The following EMP2 variants were observed in gnomAD, a reference collection of about 807,000 sequenced individuals.
EMP2 encodes epithelial membrane protein 2.
EMP2 carries 19 observed loss-of-function variants against 13.7 expected under a neutral mutation model. That is an observed-to-expected ratio of 1.38 (90% CI 0.97 to 2.03). The LOEUF is 2.03. EMP2 is among the 30% of genes most tolerant of loss of function. The pLI is 0.00. For synonymous variants in EMP2, 97 were observed against 84.7 expected (o/e 1.15, Z -0.80); for missense variants, 253 against 220.7 (o/e 1.15, Z -0.93).
At position 10,532,134 on chromosome 16, in the gene EMP2, G is replaced by T. The variant is rs778935936; in HGVS notation, c.*771C>A. On this transcript the variant is annotated 3_prime_UTR_variant, in exon 5 of 5. Coordinates refer to ENST00000359543, the MANE Select transcript of EMP2 (RefSeq NM_001424.6). ...CAACGCATCTGAAGCGTTGCCCAGG[G>T]AGCGCGTTAGAAATGCAGATTCCCT... 6.5e-6 allele frequency: 1 copy of T among 154,924 alleles called. No homozygotes were observed. The highest frequency in any genetic ancestry group is 2.0e-4 in the South Asian group (1 of 4,910). 9.6% of individuals were successfully genotyped at this position (154,924 alleles called of 1,614,324 possible).
At chr16:10,539,233 C>T (rs12920029) in intron 3 of EMP2, among the ~76,000 whole-genome samples, 59,502 of 151,888 alleles carry the variant, frequency 0.39, 13,233 homozygotes, top group East Asian at 0.56. Context: ...AAGGACACAC[C>T]TTCCTTTTCT....
chr16:10,533,484 T>G (rs2050624361), intron 4 of EMP2, among the ~76,000 whole-genome samples: 1 of 152,184 alleles, frequency 6.6e-6, no homozygotes, highest in African/African-American at 2.4e-5. Context: ...GGCAGCCACA[T>G]CACCAACCCA....
At chr16:10,549,723 A>G (rs1011981192) in intron 1 of EMP2, among the ~76,000 whole-genome samples, 91 of 56,600 alleles carry the variant, frequency 1.6e-3, no homozygotes, top group African/African-American at 6.3e-3. Flanking sequence ...ACGCACACAC[A>G]CACACTCACA....
chr16:10,578,374 C>G (rs1381803502), intron 1 of EMP2, among the ~76,000 whole-genome samples: 1 of 152,180 alleles, frequency 6.6e-6, no homozygotes, highest in African/African-American at 2.4e-5. Flanking sequence ...ACATTCACTT[C>G]CGTTCCAGGA....
intron 1 of EMP2, among the ~76,000 whole-genome samples, chr16:10,562,378 C>CTATCTATCTA (rs58266696): frequency 1.5e-5 from 2 of 135,392 alleles, no homozygotes; most frequent in Non-Finnish European, 3.2e-5. Context: ...CTCTCTCTCT[C>CTATCTATCTA]TCTATCTATC....
rs550357149 is a variant in EMP2 at position 10,540,375 on chromosome 16, A to G, written c.170-2301T>C. ...ACAAAAATTAGCTGGGTGTGGTGGCACACACCTGTAATCCCAGCTACTTGG... is the reference window on the plus strand; with the variant it reads ...ACAAAAATTAGCTGGGTGTGGTGGCGCACACCTGTAATCCCAGCTACTTGG... On this transcript the variant is annotated intron_variant, in intron 3 of 4. Coordinates refer to ENST00000359543, the MANE Select transcript of EMP2 (RefSeq NM_001424.6). Among the ~76,000 whole-genome samples, 6 of 152,226 alleles carry G rather than the reference A, an allele frequency of 3.9e-5. No homozygotes were observed. The East Asian group carries it at 1.2e-3, about 29-fold the overall frequency.
In EMP2 at chr16:10,560,505, C is replaced by T. The variant is rs184794541; in HGVS notation, c.-60-12828G>A. On this transcript the variant is annotated intron_variant, in intron 1 of 4. Coordinates refer to ENST00000359543, the MANE Select transcript of EMP2 (RefSeq NM_001424.6). ...CTAATCCCAGGCTTCCGATCACTGTCCCCTTGCCCGTTCTTTAAAAATGAA... is the reference window on the plus strand; with the variant it reads ...CTAATCCCAGGCTTCCGATCACTGTTCCCTTGCCCGTTCTTTAAAAATGAA... Among the ~76,000 whole-genome samples, 48 of 152,334 alleles carry T rather than the reference C, an allele frequency of 3.2e-4. 1 individual carries two copies. The highest frequency in any genetic ancestry group is 3.4e-3 in the Middle Eastern group (1 of 294).
At position 10,533,179 on chromosome 16, in the gene EMP2, C is replaced by G. The variant is rs1429359280; in HGVS notation, c.317-87G>C. On this transcript the variant is annotated intron_variant, in intron 4 of 4. Transcript: ENST00000359543. ...AGGGGCATACGGCCAGAGTTGAAGA[C>G]AAACTTCAGCTTTTATTCTTTGTTT... 5.2e-6 allele frequency: 6 copies of G among 1,160,208 alleles called. No individual in the cohort carries two copies. The East Asian group carries it at 1.4e-4, about 27-fold the overall frequency. The allele number at this position is 1,160,208 out of a possible 1,614,324, so 71.9% of individuals were successfully genotyped here.
chr16:10,553,439 T>C (rs986043967), intron 1 of EMP2, among the ~76,000 whole-genome samples: 1 of 152,088 alleles, frequency 6.6e-6, no homozygotes, highest in Non-Finnish European at 1.5e-5. Flanking sequence ...GCTTTCTGGA[T>C]TGGTGGAGTG....
chr16:10,573,841 C>T (rs555901207), intron 1 of EMP2, among the ~76,000 whole-genome samples: 4 of 151,314 alleles, frequency 2.6e-5, no homozygotes, highest in Non-Finnish European at 5.9e-5. Context: ...ATGAATAATA[C>T]ACTTTTCCAC....
intron 1 of EMP2, among the ~76,000 whole-genome samples, chr16:10,551,187 TTC>T (rs1184916691): frequency 6.6e-6 from 1 of 152,260 alleles, no homozygotes. Context: ...ATAATATACT[TTC>T]TGTTTCTATG....
intron 1 of EMP2, among the ~76,000 whole-genome samples, chr16:10,557,829 A>AAGAACCC (rs2050842284): frequency 6.6e-6 from 1 of 152,176 alleles, no homozygotes; most frequent in East Asian, 1.9e-4. Flanking sequence ...TTAAAGGAAA[A>AAGAACCC]AGAACCCATA....
At chr16:10,541,462 C>T (rs1466165178) in intron 3 of EMP2, among the ~76,000 whole-genome samples, 1 of 152,026 alleles carries the variant, frequency 6.6e-6, no homozygotes, top group African/African-American at 2.4e-5. Context: ...CTTAGCTCCC[C>T]GGCCAAACAA....
At chr16:10,561,197 C>T (rs1426640170) in intron 1 of EMP2, among the ~76,000 whole-genome samples, 2 of 152,050 alleles carry the variant, frequency 1.3e-5, no homozygotes, top group South Asian at 2.1e-4. Flanking sequence ...GATTCTAGTG[C>T]CGTGATCTGC....
At chr16:10,560,274 G>T (rs575107458) in intron 1 of EMP2, among the ~76,000 whole-genome samples, 2 of 152,242 alleles carry the variant, frequency 1.3e-5, no homozygotes, top group East Asian at 3.9e-4. Context: ...AGCACACTGG[G>T]GACAACGGAA....
chr16:10,541,700 G>A (rs1259123312), intron 3 of EMP2, among the ~76,000 whole-genome samples: 1 of 152,142 alleles, frequency 6.6e-6, no homozygotes. Flanking sequence ...AGATGGAAGG[G>A]AGCACCGATG....
At chr16:10,537,808 G>A (rs552221996) in intron 4 of EMP2, 120 bp downstream of exon 4, 26 of 1,320,452 alleles carry the variant, frequency 2.0e-5, no homozygotes, top group African/African-American at 1.5e-4. Context: ...ACACAGCACC[G>A]CGCGGCTGCC....
intron 1 of EMP2, among the ~76,000 whole-genome samples, chr16:10,579,283 C>A (rs2051005725): frequency 6.6e-6 from 1 of 152,122 alleles, no homozygotes; most frequent in Non-Finnish European, 1.5e-5. Flanking sequence ...GGAAGAGGTG[C>A]CCAGCAATAA....
chr16:10,571,932 G>C (rs1356091762), intron 1 of EMP2, among the ~76,000 whole-genome samples: 2 of 152,144 alleles, frequency 1.3e-5, no homozygotes, highest in Non-Finnish European at 2.9e-5. Context: ...AGCCTCTCCT[G>C]GGCTCTAGGC....
Sources: allele counts gnomAD v4.1 joint callset (sites outside exome capture counted in the v4.1 genomes callset), GRCh38; gene constraint gnomAD v4.1.1; transcripts MANE v1.5; gene names NCBI Gene and HGNC (gene_info 2026-07-23, HGNC 2026-07-21).